The following SPMIP3 variants were observed in gnomAD, a reference collection of about 807,000 sequenced individuals.
The protein encoded by SPMIP3 is protein SPMIP3.
the SPMIP3 span, among the ~76,000 whole-genome samples, chr1:244,364,268 C>A: frequency 6.6e-6 from 1 of 152,014 alleles, no homozygotes; most frequent in African/African-American, 2.4e-5. Context: ...CCAGGCCCGG[C>A]TACTTTTTTT....
the SPMIP3 span, among the ~76,000 whole-genome samples, chr1:244,364,157 C>T: frequency 1.5e-4 from 23 of 151,896 alleles, no homozygotes; most frequent in Admixed American, 8.5e-4. Context: ...CTGGCTGGAG[C>T]GCAGTGGCAC....
At chr1:244,377,005 A>G in the SPMIP3 span, among the ~76,000 whole-genome samples, 14 of 151,446 alleles carry the variant, frequency 9.2e-5, no homozygotes, top group East Asian at 9.8e-4. Context: ...ACGGGGTTTC[A>G]CCATGTTGGC....
chr1:244,368,839 A>C, the SPMIP3 span, among the ~76,000 whole-genome samples: 1 of 152,210 alleles, frequency 6.6e-6, no homozygotes, highest in African/African-American at 2.4e-5. Flanking sequence ...GTTCACACTT[A>C]GTAGTGGCCA....
the SPMIP3 span, among the ~76,000 whole-genome samples, chr1:244,360,311 G>A: frequency 0.012 from 1,773 of 152,176 alleles, 34 homozygotes; most frequent in African/African-American, 0.041. Flanking sequence ...CAGTATGAAG[G>A]TTCCTCAAAA....
At chr1:244,389,655 G>A in the SPMIP3 span, 1 of 151,724 alleles carries the variant, frequency 6.6e-6, no homozygotes, top group African/African-American at 2.4e-5. Context: ...AATCCCAAAG[G>A]AAAAAAACCT....
the SPMIP3 span, among the ~76,000 whole-genome samples, chr1:244,367,696 A>G: frequency 6.6e-6 from 1 of 152,140 alleles, no homozygotes; most frequent in Admixed American, 6.5e-5. Context: ...GTTCCACCCA[A>G]ACCCCCGGAC....
At chr1:244,358,679 T>A in the SPMIP3 span, among the ~76,000 whole-genome samples, 1 of 152,032 alleles carries the variant, frequency 6.6e-6, no homozygotes, top group Non-Finnish European at 1.5e-5. Context: ...AAAATAGTTG[T>A]TTATGTGTAG....
the SPMIP3 span, among the ~76,000 whole-genome samples, chr1:244,374,582 T>C: frequency 1.4e-5 from 2 of 142,950 alleles, no homozygotes; most frequent in African/African-American, 2.6e-5. Flanking sequence ...GATTCCCACA[T>C]TTCTCTTTTT....
the SPMIP3 span, among the ~76,000 whole-genome samples, chr1:244,380,687 GTACTAT>G: frequency 6.6e-6 from 1 of 152,078 alleles, no homozygotes; most frequent in Admixed American, 6.6e-5. Flanking sequence ...AGCGTCACCT[GTACTAT>G]TATTTATTTA....
At chr1:244,364,848 T>C in the SPMIP3 span, 1 of 1,320,778 alleles carries the variant, frequency 7.6e-7, no homozygotes, top group Non-Finnish European at 1.1e-6. Context: ...TGCTCAGTGG[T>C]CCAGAGACTA....
chr1:244,370,480 G>A, the SPMIP3 span, among the ~76,000 whole-genome samples: 42 of 152,302 alleles, frequency 2.8e-4, 1 homozygote, highest in Admixed American at 2.5e-3. Context: ...TTGCCTAAAC[G>A]TGGCTTTCCT....
the SPMIP3 span, chr1:244,364,692 C>T: frequency 6.2e-7 from 1 of 1,613,638 alleles, no homozygotes; most frequent in Non-Finnish European, 8.5e-7. Flanking sequence ...TTTCAGATTC[C>T]CATCCATCAT....
At chr1:244,356,918 C>CTTTTTTTTT in the SPMIP3 span, among the ~76,000 whole-genome samples, 1 of 103,784 alleles carries the variant, frequency 9.6e-6, no homozygotes, top group African/African-American at 3.8e-5. Context: ...TTTTCTTTTC[C>CTTTTTTTTT]TTTTTTTTTT....
the SPMIP3 span, among the ~76,000 whole-genome samples, chr1:244,373,044 C>T: frequency 6.6e-6 from 1 of 151,940 alleles, no homozygotes; most frequent in Non-Finnish European, 1.5e-5. Flanking sequence ...GCACTACAAT[C>T]ACTTCCTAAG....
At chr1:244,381,079 G>C in the SPMIP3 span, among the ~76,000 whole-genome samples, 1 of 151,952 alleles carries the variant, frequency 6.6e-6, no homozygotes, top group African/African-American at 2.4e-5. Context: ...AGGGGTTGCC[G>C]TCCCAAGGAG....
At chr1:244,372,639 T>C in the SPMIP3 span, among the ~76,000 whole-genome samples, 1 of 152,052 alleles carries the variant, frequency 6.6e-6, no homozygotes, top group Non-Finnish European at 1.5e-5. Flanking sequence ...GAGACTGGGT[T>C]TCACCGCGTT....
the SPMIP3 span, chr1:244,388,879 T>C: frequency 8.2e-7 from 1 of 1,223,940 alleles, no homozygotes; most frequent in Non-Finnish European, 1.2e-6. Context: ...GCACAACTGC[T>C]AAAAGGACAG....
At chr1:244,369,036 G>A in the SPMIP3 span, among the ~76,000 whole-genome samples, 1 of 152,198 alleles carries the variant, frequency 6.6e-6, no homozygotes, top group Non-Finnish European at 1.5e-5. Context: ...GCACACACCT[G>A]TAGTCCCAGC....
the SPMIP3 span, among the ~76,000 whole-genome samples, chr1:244,370,810 C>T: frequency 1.1e-4 from 16 of 152,284 alleles, no homozygotes; most frequent in South Asian, 4.1e-4. Context: ...TGATACACGG[C>T]GCTGGCATTT....
Sources: gnomAD v4.1 joint callset for allele counts (sites outside exome capture counted in the v4.1 genomes callset) on GRCh38, gnomAD v4.1.1 for gene constraint, MANE v1.5 for transcripts, NCBI Gene and HGNC (gene_info 2026-07-23, HGNC 2026-07-21) for gene names.